SPAG16: variants seen among roughly 807,000 people sequenced by gnomAD.
The protein encoded by SPAG16 is sperm-associated antigen 16 protein.
Under a neutral mutation model 80.4 loss-of-function variants are expected in SPAG16, and 86 were observed. The ratio of observed to expected loss-of-function variants is 1.07; its 90% CI spans 0.90 to 1.28. The LOEUF (loss-of-function observed/expected upper bound fraction) is 1.28. Ranked by LOEUF, SPAG16 falls within the 50% of genes most tolerant of loss-of-function variation. The pLI is 0.00. For synonymous variants in SPAG16, 294 were observed against 265.9 expected, an observed-to-expected ratio of 1.11 and a Z score of -1.03; for missense variants, 870 against 765.3, an observed-to-expected ratio of 1.14 and a Z score of -1.61.
intron 9 of SPAG16, 47 bp downstream of exon 9, chr2:213,375,166 A>C: frequency 7.7e-7 from 1 of 1,290,448 alleles, no homozygotes; most frequent in Non-Finnish European, 1.1e-6. Context: ...TAACTCTCAG[A>C]TCTTTAGATC....
chr2:214,235,457 T>C (rs1030413932), intron 15 of SPAG16, among the ~76,000 whole-genome samples: 1 of 152,142 alleles, frequency 6.6e-6, no homozygotes, highest in Non-Finnish European at 1.5e-5. Context: ...ATTTTCTTCC[T>C]CAAATAAATA....
chr2:214,400,296 T>C (rs1185747906), intron 15 of SPAG16, among the ~76,000 whole-genome samples: 1 of 151,990 alleles, frequency 6.6e-6, no homozygotes, highest in Non-Finnish European at 1.5e-5. Context: ...ATGGATTTCA[T>C]GTTAAAGACA....
chr2:213,659,466 A>C (rs2063341278), intron 10 of SPAG16, among the ~76,000 whole-genome samples: 1 of 152,178 alleles, frequency 6.6e-6, no homozygotes, highest in Non-Finnish European at 1.5e-5. Context: ...TTATAAAGTT[A>C]GGATAGTTAC....
chr2:213,634,900 A>C (rs535683262), intron 10 of SPAG16, among the ~76,000 whole-genome samples: 2 of 151,522 alleles, frequency 1.3e-5, no homozygotes, highest in East Asian at 1.9e-4. Flanking sequence ...ATGGTCTCCA[A>C]CTCCATCCAA....
intron 10 of SPAG16, among the ~76,000 whole-genome samples, chr2:213,740,553 C>G (rs1426744256): frequency 2.0e-5 from 3 of 152,228 alleles, no homozygotes; most frequent in Non-Finnish European, 4.4e-5. Context: ...TTGCCTCACT[C>G]TCATCATGCT....
chr2:213,593,746 CTTTTTTTTTTTTTTTTTTTTT>C (rs541949006), intron 10 of SPAG16, among the ~76,000 whole-genome samples: 46 of 50,178 alleles, frequency 9.2e-4, no homozygotes, highest in Non-Finnish European at 1.2e-3. Flanking sequence ...CCCACCACAT[CTTTTTTTTTTTTTTTTTTTTT>C]TTTTTTTTTT....
chr2:213,924,239 GC>G (rs1304556606), intron 11 of SPAG16, among the ~76,000 whole-genome samples: 4 of 152,320 alleles, frequency 2.6e-5, no homozygotes, highest in Non-Finnish European at 4.4e-5. Flanking sequence ...CTTGATAGTT[GC>G]CCCTGCAAAA....
intron 13 of SPAG16, among the ~76,000 whole-genome samples, chr2:214,069,665 G>A (rs906994897): frequency 1.3e-5 from 2 of 152,054 alleles, no homozygotes; most frequent in African/African-American, 2.4e-5. Flanking sequence ...CATGATAAAT[G>A]AGGTCTCATT....
intron 10 of SPAG16, among the ~76,000 whole-genome samples, chr2:213,737,654 A>AT (rs1315568741): frequency 5.3e-5 from 8 of 151,616 alleles, no homozygotes; most frequent in Non-Finnish European, 1.0e-4. Context: ...CGCCCGGCTA[A>AT]TTTTTTTGTA....
At chr2:213,648,450 G>A (rs947565265) in intron 10 of SPAG16, among the ~76,000 whole-genome samples, 3 of 152,190 alleles carry the variant, frequency 2.0e-5, no homozygotes, top group African/African-American at 7.2e-5. Context: ...CCTTGATTAA[G>A]CTATAGACCA....
chr2:214,337,476 A>G (rs764171174), intron 15 of SPAG16, among the ~76,000 whole-genome samples: 4 of 152,250 alleles, frequency 2.6e-5, no homozygotes, highest in Non-Finnish European at 5.9e-5. Context: ...CAGAGCAGCT[A>G]CATGATAATG....
chr2:213,832,325 G>A (rs1212596182), intron 10 of SPAG16, among the ~76,000 whole-genome samples: 3 of 151,956 alleles, frequency 2.0e-5, no homozygotes, highest in Non-Finnish European at 2.9e-5. Flanking sequence ...CTCAGAACAC[G>A]ATACCCCGAA....
At chr2:214,279,305 A>C (rs1327103369) in intron 15 of SPAG16, among the ~76,000 whole-genome samples, 3 of 152,086 alleles carry the variant, frequency 2.0e-5, no homozygotes, top group Non-Finnish European at 4.4e-5. Context: ...CCATGTTCGC[A>C]AGGATGGTCT....
rs544412233 is a variant in SPAG16 at position 214,234,098 on chromosome 2, C to G, written c.1720+84832C>G. On this transcript the variant is annotated intron_variant, in intron 15 of 15. Coordinates refer to ENST00000331683, the MANE Select transcript of SPAG16 (RefSeq NM_024532.5). ...TTCCCCCCCCATGTGTCCATGTGTTCTCATTATTGAGCTCCCACTTATAAG... is the reference window on the plus strand; with the variant it reads ...TTCCCCCCCCATGTGTCCATGTGTTGTCATTATTGAGCTCCCACTTATAAG... Among the ~76,000 whole-genome samples, 30 of 152,016 alleles carry G rather than the reference C, an allele frequency of 2.0e-4. No homozygotes were observed. In the East Asian group the frequency reaches 4.3e-3, roughly 22 times the overall value.
intron 10 of SPAG16, among the ~76,000 whole-genome samples, chr2:213,684,364 A>C (rs992342221): frequency 4.6e-5 from 7 of 152,320 alleles, no homozygotes; most frequent in East Asian, 1.9e-4. Context: ...TTTTAGTTAA[A>C]ATTAGATCAG....
chr2:214,006,955 A>G (rs1467348068), intron 12 of SPAG16, among the ~76,000 whole-genome samples: 1 of 152,096 alleles, frequency 6.6e-6, no homozygotes, highest in East Asian at 1.9e-4. Flanking sequence ...CCCCCCCACC[A>G]CCATAAGTGA....
At chr2:214,282,024 T>C (rs1692981236) in intron 15 of SPAG16, among the ~76,000 whole-genome samples, 1 of 152,184 alleles carries the variant, frequency 6.6e-6, no homozygotes, top group African/African-American at 2.4e-5. Flanking sequence ...TTCTAATCTC[T>C]CATTATAAAG....
intron 10 of SPAG16, among the ~76,000 whole-genome samples, chr2:213,548,260 T>G (rs1164873073): frequency 6.6e-6 from 1 of 152,188 alleles, no homozygotes; most frequent in Non-Finnish European, 1.5e-5. Context: ...GTCGCCAGGT[T>G]GGAGTGCAGT....
intron 11 of SPAG16, among the ~76,000 whole-genome samples, chr2:213,902,539 C>T (rs1396351186): frequency 1.3e-5 from 2 of 152,136 alleles, no homozygotes. Flanking sequence ...ATGGGGGAAC[C>T]ACCCCCATGA....
Sources: allele counts gnomAD v4.1 joint callset (sites outside exome capture counted in the v4.1 genomes callset), GRCh38; gene constraint gnomAD v4.1.1; transcripts MANE v1.5; gene names NCBI Gene and HGNC (gene_info 2026-07-23, HGNC 2026-07-21).